The following DIP2C variants were observed in gnomAD, a reference collection of about 807,000 sequenced individuals.
The protein encoded by DIP2C is disco-interacting protein 2 homolog C.
In DIP2C, 33 loss-of-function variants were observed where a neutral mutation model predicts 192.4. That is an observed-to-expected ratio of 0.17 (90% CI 0.13 to 0.23). The LOEUF is 0.23. Among genes scored for constraint, DIP2C ranks in the 10% least tolerant of loss-of-function variants. The probability of loss-of-function intolerance (pLI) is 1.00; values close to 1 mark genes in which losing one functional copy is unlikely to be tolerated. For missense variants in DIP2C, 1,537 were observed against 2,110.1 expected (o/e 0.73, Z 5.32); for synonymous variants, 979 against 864.1 (o/e 1.13, Z -2.33).
chr10:284,025 G>T lies in DIP2C; in HGVS notation c.4120-579C>A, dbSNP rs954658017. Reference sequence around the variant, plus strand: ...GTGAGTCAAAGCGATAGCCACGTGGGTTACGGAGAACCATGGACAGGGCTG... The same window carrying T: ...GTGAGTCAAAGCGATAGCCACGTGGTTTACGGAGAACCATGGACAGGGCTG... On this transcript the variant is annotated intron_variant, in intron 34 of 36. Coordinates refer to ENST00000280886, the MANE Select transcript of DIP2C (RefSeq NM_014974.3). Among the ~76,000 whole-genome samples the T allele has an allele frequency of 3.3e-5, 5 of 152,332 alleles. No homozygotes were observed. In the East Asian group the frequency reaches 9.6e-4, roughly 29 times the overall value.
At chr10:644,752 C>T (rs1304298308) in intron 1 of DIP2C, among the ~76,000 whole-genome samples, 1 of 152,028 alleles carries the variant, frequency 6.6e-6, no homozygotes, top group Non-Finnish European at 1.5e-5. Context: ...CTGGGCAGGT[C>T]CAGCTGAAAC....
intron 1 of DIP2C, among the ~76,000 whole-genome samples, chr10:517,359 AGG>A (rs1846428643): frequency 6.6e-6 from 1 of 152,184 alleles, no homozygotes; most frequent in South Asian, 2.1e-4. Flanking sequence ...TGAAGGAACA[AGG>A]GAGGGGAGTC....
At chr10:487,753 A>G (rs922634242) in intron 1 of DIP2C, among the ~76,000 whole-genome samples, 1 of 151,586 alleles carries the variant, frequency 6.6e-6, no homozygotes, top group African/African-American at 2.4e-5. Context: ...AATTTTTTGT[A>G]TTTTTAGTAG....
chr10:454,604 A>G (rs1447561092), intron 3 of DIP2C, among the ~76,000 whole-genome samples: 3 of 121,252 alleles, frequency 2.5e-5, no homozygotes, highest in Non-Finnish European at 4.6e-5. Flanking sequence ...ATATTCGGGG[A>G]TAAAAACATC....
At chr10:383,380 T>C (rs1292199292) in intron 16 of DIP2C, among the ~76,000 whole-genome samples, 1 of 152,240 alleles carries the variant, frequency 6.6e-6, no homozygotes, top group Non-Finnish European at 1.5e-5. Flanking sequence ...TGTGGTCAGA[T>C]ACCTTTAATT....
At chr10:367,516 T>C (rs964110365) in intron 18 of DIP2C, among the ~76,000 whole-genome samples, 1 of 149,662 alleles carries the variant, frequency 6.7e-6, no homozygotes. Flanking sequence ...GGGTAAGGAG[T>C]GGAGAAAGAA....
At chr10:375,676 G>T (rs893063645) in intron 17 of DIP2C, among the ~76,000 whole-genome samples, 1 of 152,004 alleles carries the variant, frequency 6.6e-6, no homozygotes, top group African/African-American at 2.4e-5. Flanking sequence ...GAACACATCT[G>T]CAGTTTGCTA....
At chr10:658,876 C>T (rs1442056572) in intron 1 of DIP2C, among the ~76,000 whole-genome samples, 1 of 152,180 alleles carries the variant, frequency 6.6e-6, no homozygotes, top group Admixed American at 6.5e-5. Flanking sequence ...AGCGGAGGAT[C>T]CCATGCACTC....
At chr10:364,277 A>G in intron 20 of DIP2C, 97 bp downstream of exon 20, 2 of 1,379,156 alleles carry the variant, frequency 1.5e-6, no homozygotes, top group South Asian at 1.4e-5. Flanking sequence ...GAGACACAAT[A>G]CATTTAAGGA....
chr10:526,220 GCCGCGTGGTTTCCACTCTGAACGTCCA>G (rs1454369482), intron 1 of DIP2C, among the ~76,000 whole-genome samples: 2 of 152,180 alleles, frequency 1.3e-5, no homozygotes, highest in African/African-American at 2.4e-5. Context: ...AAAGCCCACA[GCCGCGTGGTTTCCACTCTGAACGTCCA>G]AGTGGCTGTG....
chr10:434,553 G>A (rs1177627396), intron 4 of DIP2C, among the ~76,000 whole-genome samples: 1 of 152,176 alleles, frequency 6.6e-6, no homozygotes, highest in Non-Finnish European at 1.5e-5. Context: ...GGTGACAGGT[G>A]TGAGCCCCTG....
intron 14 of DIP2C, among the ~76,000 whole-genome samples, chr10:386,792 A>G (rs1036402741): frequency 1.3e-5 from 2 of 152,258 alleles, no homozygotes; most frequent in Non-Finnish European, 2.9e-5. Context: ...AAGAAGCTTC[A>G]GCGTAAGAAA....
At chr10:417,591 G>A (rs1281517160) in intron 6 of DIP2C, among the ~76,000 whole-genome samples, 46 of 151,382 alleles carry the variant, frequency 3.0e-4, no homozygotes, top group Non-Finnish European at 5.6e-4. Flanking sequence ...TGCGCCTGTT[G>A]GAGCTAGGAT....
chr10:495,020 G>A (rs537767682), intron 1 of DIP2C, among the ~76,000 whole-genome samples: 16 of 152,342 alleles, frequency 1.1e-4, no homozygotes, highest in African/African-American at 3.4e-4. Context: ...AAATCATGGT[G>A]TATGGACAAA....
intron 31 of DIP2C, chr10:324,913 C>CT (rs34415250): frequency 3.8e-6 from 2 of 532,206 alleles, no homozygotes; most frequent in South Asian, 2.8e-5. Flanking sequence ...TGTTTTGGTT[C>CT]TTTTTTCACG....
intron 17 of DIP2C, among the ~76,000 whole-genome samples, chr10:374,211 A>G (rs1240954455): frequency 2.0e-5 from 3 of 152,204 alleles, no homozygotes; most frequent in African/African-American, 7.2e-5. Context: ...TCTTTCATTC[A>G]ATTTTTATAC....
At chr10:530,104 T>C (rs1313970255) in intron 1 of DIP2C, among the ~76,000 whole-genome samples, 1 of 152,238 alleles carries the variant, frequency 6.6e-6, no homozygotes, top group Non-Finnish European at 1.5e-5. Flanking sequence ...TCTAAGTGAC[T>C]GACAGCCCGG....
intron 19 of DIP2C, chr10:365,089 C>T: frequency 2.1e-6 from 1 of 483,408 alleles, no homozygotes. Context: ...TTTCCTCCAC[C>T]CTTGCAGATA....
chr10:537,531 A>G (rs984197271), intron 1 of DIP2C, among the ~76,000 whole-genome samples: 3 of 149,526 alleles, frequency 2.0e-5, no homozygotes, highest in African/African-American at 2.5e-5. Flanking sequence ...CCCCCCACAC[A>G]TTTGTCCCCA....
Sources: allele counts gnomAD v4.1 joint callset (sites outside exome capture counted in the v4.1 genomes callset), GRCh38; gene constraint gnomAD v4.1.1; transcripts MANE v1.5; gene names NCBI Gene and HGNC (gene_info 2026-07-23, HGNC 2026-07-21).